SRFBP1: variants seen among roughly 807,000 people sequenced by gnomAD.
SRFBP1 encodes the protein serum response factor binding protein 1, also known as serum response factor-binding protein 1.
Under a neutral mutation model 45.5 loss-of-function variants are expected in SRFBP1, and 47 were observed. That is an observed-to-expected ratio of 1.03 (90% CI 0.82 to 1.32). The LOEUF is 1.32. Among genes scored for constraint, SRFBP1 ranks in the 40% most tolerant of loss-of-function variants. The pLI is 0.00. For missense variants in SRFBP1, 621 were observed against 484.6 expected (o/e 1.28, Z -2.64); for synonymous variants, 203 against 166.3 (o/e 1.22, Z -1.70).
intron 2 of SRFBP1, among the ~76,000 whole-genome samples, chr5:122,055,211 C>T (rs1754058586): frequency 6.6e-6 from 1 of 152,166 alleles, no homozygotes; most frequent in South Asian, 2.1e-4. Context: ...GCTGAGTCCT[C>T]ACATGGTGGA....
rs762401379 is a variant in SRFBP1, at chr5:122,075,394, A to G, written n.391A>G. On this transcript the variant is annotated non_coding_transcript_exon_variant, in exon 3 of 3. Coordinates refer to the SRFBP1 transcript ENST00000504881. ...CAACCCAAAAGTACCCAGGAGGCCCATTTACTTACTGATGACAACTGTGCC... is the reference window on the plus strand; with the variant it reads ...CAACCCAAAAGTACCCAGGAGGCCCGTTTACTTACTGATGACAACTGTGCC... 8.8e-6 allele frequency: 14 copies of G among 1,598,176 alleles called. No homozygotes were observed. Among genetic ancestry groups the G allele is most frequent in the Non-Finnish European group, 3.4e-6 (4 of 1,174,854 alleles).
chr5:122,020,435 A>G lies in SRFBP1; in HGVS notation c.700A>G (p.Lys234Glu), dbSNP rs1396357192. 1 of 1,613,710 alleles carries G rather than the reference A, an allele frequency of 6.2e-7. No homozygotes were observed. Among genetic ancestry groups the G allele is most frequent in the Admixed American group, 1.7e-5 (1 of 59,970 alleles). The change falls in exon 6 of 8, where the codon AAA becomes GAA. Residue 234 changes from lysine (K) to glutamate (E), a missense_variant. Transcript: ENST00000339397. ...DPKLKTLSQT[K>E]KNKGSDSSLS... is the part of the protein sequence containing the mutation. ...AAAACTGAAAACTCTAAGTCAAACC[A>G]AAAAAAACAAAGGATCTGATAGCTC...
At chr5:122,056,023 G>T (rs991704072) in intron 2 of SRFBP1, among the ~76,000 whole-genome samples, 1 of 152,266 alleles carries the variant, frequency 6.6e-6, no homozygotes, top group South Asian at 2.1e-4. Context: ...CTGCCCAAGA[G>T]TGTTGAATAA....
downstream of SRFBP1, chr5:122,078,054 A>G: frequency 4.4e-6 from 6 of 1,366,110 alleles, no homozygotes; most frequent in Non-Finnish European, 5.7e-6. Flanking sequence ...CGGGGCTCAA[A>G]TCACGTGAGG....
intron 4 of SRFBP1, among the ~76,000 whole-genome samples, chr5:122,000,166 A>C (rs527284885): frequency 6.6e-6 from 1 of 152,118 alleles, no homozygotes; most frequent in Non-Finnish European, 1.5e-5. Flanking sequence ...GCTTTCACAT[A>C]ATTTTATGCT....
chr5:122,047,612 C>T (rs1222903126), intron 2 of SRFBP1, among the ~76,000 whole-genome samples: 1 of 152,116 alleles, frequency 6.6e-6, no homozygotes, highest in African/African-American at 2.4e-5. Context: ...ATGGGGATGG[C>T]ATTGAATCTA....
intron 2 of SRFBP1, chr5:122,075,267 CA>C: frequency 1.3e-6 from 1 of 759,558 alleles, no homozygotes; most frequent in South Asian, 2.4e-5. Flanking sequence ...TGTGAAATTA[CA>C]TAGAGAAAAA....
chr5:122,020,473 C>T lies in SRFBP1; in HGVS notation c.738C>T (p.Asn246=), dbSNP rs771169600. The change falls in exon 6 of 8, where the codon AAC becomes AAT. Residue 246 remains asparagine (N), a synonymous_variant. Coordinates refer to ENST00000339397, the MANE Select transcript of SRFBP1 (RefSeq NM_152546.3). The part of the protein sequence containing the change: ...NKGSDSSLSG[N]SDGGEEFCEE... ...GATCTGATAGCTCACTCTCTGGTAA[C>T]AGTGATGGCGGAGAAGAATTTTGTG... 1.2e-6 allele frequency: 2 copies of T among 1,614,066 alleles called. No homozygotes were observed. The highest frequency in any genetic ancestry group is 1.7e-6 in the Non-Finnish European group (2 of 1,179,992).
At chr5:122,019,782 A>T (rs2112706698) in intron 5 of SRFBP1, among the ~76,000 whole-genome samples, 1 of 152,058 alleles carries the variant, frequency 6.6e-6, no homozygotes, top group East Asian at 1.9e-4. Context: ...TATATAAATT[A>T]AAGTTGCCAT....
At chr5:122,022,321 T>G in intron 6 of SRFBP1, 49 bp from the exon 7 acceptor site, 1 of 1,505,232 alleles carries the variant, frequency 6.6e-7, no homozygotes. Flanking sequence ...TTTCTTAAGA[T>G]CAGAGGATTT....
chr5:122,004,188 T>C (rs950629092), intron 4 of SRFBP1, among the ~76,000 whole-genome samples: 22 of 152,206 alleles, frequency 1.4e-4, no homozygotes, highest in African/African-American at 5.1e-4. Flanking sequence ...TTTAATAAGA[T>C]TGATATTAGA....
At chr5:122,056,154 TTCTC>T (rs1754074761) in intron 2 of SRFBP1, among the ~76,000 whole-genome samples, 1 of 152,102 alleles carries the variant, frequency 6.6e-6, no homozygotes, top group South Asian at 2.1e-4. Flanking sequence ...CCGTTCTATC[TTCTC>T]TCTCTTTTTC....
At position 121,967,760 on chromosome 5, in the gene SRFBP1, G is replaced by A. The variant is rs567338070; in HGVS notation, c.36+5692G>A. Among the ~76,000 whole-genome samples, 49 of 152,302 alleles carry A rather than the reference G, an allele frequency of 3.2e-4. 1 individual carries two copies. In the South Asian group the frequency reaches 6.8e-3, roughly 21 times the overall value. On this transcript the variant is annotated intron_variant, in intron 1 of 7. Transcript: ENST00000339397. ...TAAGGTGGGAAGATGGCTTGAGCCC[G>A]GGAGGGGGACGGAGGTTGTGATGAG...
At chr5:122,050,400 A>G (rs1056402692) in intron 2 of SRFBP1, among the ~76,000 whole-genome samples, 1 of 152,018 alleles carries the variant, frequency 6.6e-6, no homozygotes, top group African/African-American at 2.4e-5. Context: ...GTTGGTTTTT[A>G]TTACTGATTT....
At chr5:122,049,902 A>C (rs1337334598) in intron 2 of SRFBP1, among the ~76,000 whole-genome samples, 2 of 152,214 alleles carry the variant, frequency 1.3e-5, no homozygotes, top group Admixed American at 1.3e-4. Flanking sequence ...TTATAGCACT[A>C]AATGCTCACA....
intron 2 of SRFBP1, chr5:122,065,855 T>A (rs1301434305): frequency 6.6e-6 from 1 of 152,088 alleles, no homozygotes; most frequent in African/African-American, 2.4e-5. Context: ...AATACTTTAA[T>A]ATGTTTAAAT....
chr5:121,989,466 A>G (rs569490844), intron 3 of SRFBP1, among the ~76,000 whole-genome samples: 83 of 152,338 alleles, frequency 5.4e-4, no homozygotes, highest in Middle Eastern at 3.4e-3. Context: ...GTGTAACAGT[A>G]TCATATAAGC....
intron 4 of SRFBP1, among the ~76,000 whole-genome samples, chr5:121,998,905 A>G (rs1290629775): frequency 1.3e-5 from 2 of 152,056 alleles, no homozygotes; most frequent in African/African-American, 2.4e-5. Context: ...CTTCCTTACT[A>G]ATTCCCTTTT....
chr5:122,018,549 A>G (rs1753232510), intron 4 of SRFBP1, among the ~76,000 whole-genome samples: 1 of 152,188 alleles, frequency 6.6e-6, no homozygotes, highest in African/African-American at 2.4e-5. Context: ...TTTGTGAGGA[A>G]AAATCAAAGA....
Sources: gnomAD v4.1 joint callset for allele counts (sites outside exome capture counted in the v4.1 genomes callset) on GRCh38, gnomAD v4.1.1 for gene constraint, MANE v1.5 for transcripts, NCBI Gene and HGNC (gene_info 2026-07-23, HGNC 2026-07-21) for gene names.